PCDHGA1: variants seen among roughly 807,000 people sequenced by gnomAD.
PCDHGA1 encodes protocadherin gamma subfamily A, 1, also known as protocadherin gamma-A1.
PCDHGA1 carries 32 observed loss-of-function variants against 58.0 expected under a neutral mutation model. That is an observed-to-expected ratio of 0.55 (90% CI 0.42 to 0.74). The LOEUF is 0.74. PCDHGA1 is among the 30% of genes least tolerant of loss of function. The pLI, the probability that PCDHGA1 is intolerant of heterozygous loss-of-function variation, is 0.00. For synonymous variants in PCDHGA1, 498 were observed against 501.1 expected (o/e 0.99, Z 0.08); for missense variants, 1,205 against 1,182.3 (o/e 1.02, Z -0.28).
At chr5:141,409,357 T>C (rs754237134) in intron 1 of PCDHGA1, 4 of 1,613,968 alleles carry the variant, frequency 2.5e-6, no homozygotes, top group Non-Finnish European at 2.5e-6. Flanking sequence ...TCAGGTGTAA[T>C]ATAGAAACAG....
chr5:141,360,064 C>T (rs769109998), intron 1 of PCDHGA1: 18 of 1,462,328 alleles, frequency 1.2e-5, no homozygotes, highest in Non-Finnish European at 1.5e-5. Context: ...GGAAAAGTGA[C>T]CTTAGCCCGG....
chr5:141,408,801 T>C, intron 1 of PCDHGA1: 1 of 1,613,142 alleles, frequency 6.2e-7, no homozygotes, highest in Admixed American at 1.7e-5. Context: ...GAGAAACTCC[T>C]AGACCGGGAA....
intron 1 of PCDHGA1, chr5:141,415,384 A>C: frequency 1.9e-6 from 3 of 1,614,180 alleles, no homozygotes; most frequent in Non-Finnish European, 2.5e-6. Flanking sequence ...AGGCGGCTTG[A>C]CAGGTGTGTC....
intron 1 of PCDHGA1, chr5:141,419,822 T>A: frequency 6.2e-7 from 1 of 1,614,058 alleles, no homozygotes; most frequent in Non-Finnish European, 8.5e-7. Flanking sequence ...GCCACCCCTT[T>A]CAGCCACTGC....
Position 141,331,282 on chromosome 5 carries a change from T to G in PCDHGA1, c.598T>G (p.Leu200Val). The G allele has an allele frequency of 6.2e-7, 1 of 1,614,054 alleles. No individual in the cohort carries two copies. The highest frequency in any genetic ancestry group is 8.5e-7 in the Non-Finnish European group (1 of 1,180,030). Residue 200 changes from leucine to valine, a missense_variant, in exon 1 of 4, where the codon TTA becomes GTA. Leu to Val is a conservative substitution (Grantham distance 32). Coordinates refer to ENST00000517417, the MANE Select transcript of PCDHGA1 (RefSeq NM_018912.3). ...TCCAGAGATGGTGCTGCAGAGTCCC[T>G]TAGACAGAGAAGAAGAAGCTGTCCA... Reference protein sequence around the residue: ...QHPEMVLQSPLDREEEAVHHL... With the variant: ...QHPEMVLQSPVDREEEAVHHL...
chr5:141,339,468 C>T (rs1355974658), intron 1 of PCDHGA1: 1 of 1,614,212 alleles, frequency 6.2e-7, no homozygotes, highest in Admixed American at 1.7e-5. Flanking sequence ...GGTGAGAACG[C>T]CCTTCAGAAG....
Position 141,429,458 on chromosome 5 carries a change from T to C in PCDHGA1, c.2422-65349T>C, listed in dbSNP as rs561407449. 1.6e-4 allele frequency among the ~76,000 whole-genome samples: 25 copies of C among 152,210 alleles called. 1 individual carries two copies. The South Asian group carries it at 4.6e-3, about 28-fold the overall frequency. ...TCAAACTCTTGGGCTACAGTAATCC[T>C]CCCACCTCAATCTCCAGAGTAGCTG... On this transcript the variant is annotated intron_variant, in intron 1 of 3. Transcript: ENST00000517417.
chr5:141,340,880 G>T, intron 1 of PCDHGA1: 1 of 1,613,658 alleles, frequency 6.2e-7, no homozygotes, highest in African/African-American at 1.3e-5. Flanking sequence ...GGACAGAGAC[G>T]CGCTCAAGCA....
chr5:141,413,398 A>G lies in PCDHGA1; in HGVS notation c.2421+80293A>G, dbSNP rs780416951. The G allele has an allele frequency of 1.9e-5, 30 of 1,613,944 alleles. No homozygotes were observed. Among genetic ancestry groups the G allele is most frequent in the African/African-American group, 4.0e-5 (3 of 74,960 alleles). Reference sequence around the variant, plus strand: ...CGGAGTCCGCATAGTCTCCAGAGGTAGGACGCAGCTTTTCTCTCTGAACCC... The same window carrying G: ...CGGAGTCCGCATAGTCTCCAGAGGTGGGACGCAGCTTTTCTCTCTGAACCC... On this transcript the variant is annotated intron_variant, in intron 1 of 3. Transcript: ENST00000517417.
At chr5:141,346,044 A>G (rs764384802) in intron 1 of PCDHGA1, 10 of 1,613,362 alleles carry the variant, frequency 6.2e-6, no homozygotes, top group Middle Eastern at 1.7e-4. Flanking sequence ...GATCCCCGAC[A>G]TCCTGGCCGA....
In PCDHGA1 at chr5:141,331,607, A is replaced by G. The variant is rs1756368976; in HGVS notation, c.923A>G (p.Asp308Gly). ...GAAATATCAAATAAAGAACCACTAGATTTCGAAGAATACAAAATGTATTCA... is the reference window on the plus strand; with the variant it reads ...GAAATATCAAATAAAGAACCACTAGGTTTCGAAGAATACAAAATGTATTCA... Reference protein sequence around the residue: ...TGEISNKEPLDFEEYKMYSME... With the variant: ...TGEISNKEPLGFEEYKMYSME... The change falls in exon 1 of 4, where the codon GAT becomes GGT. Residue 308 changes from aspartate to glycine, a missense_variant. By Grantham distance (94) the Asp-to-Gly change is moderately conservative. Coordinates refer to ENST00000517417, the MANE Select transcript of PCDHGA1 (RefSeq NM_018912.3). 6.2e-7 allele frequency: 1 copy of G among 1,614,086 alleles called. No individual in the cohort carries two copies. Among genetic ancestry groups the G allele is most frequent in the Non-Finnish European group, 8.5e-7 (1 of 1,180,028 alleles).
chr5:141,370,618 T>G, intron 1 of PCDHGA1: 1 of 1,613,964 alleles, frequency 6.2e-7, no homozygotes, highest in Non-Finnish European at 8.5e-7. Context: ...AAGAAATTCT[T>G]TACCGTGAGC....
intron 1 of PCDHGA1, chr5:141,392,978 C>T: frequency 1.9e-6 from 3 of 1,613,808 alleles, no homozygotes; most frequent in South Asian, 1.1e-5. Context: ...TGGGGCTGGA[C>T]CCCCGGAAGC....
intron 1 of PCDHGA1, chr5:141,343,756 G>A (rs1177741741): frequency 5.6e-6 from 2 of 354,372 alleles, no homozygotes; most frequent in African/African-American, 2.1e-5. Flanking sequence ...CTGAGAGGAT[G>A]CAGTAAACGG....
intron 1 of PCDHGA1, chr5:141,350,934 T>C: frequency 3.1e-6 from 5 of 1,614,102 alleles, no homozygotes; most frequent in Admixed American, 1.7e-5. Context: ...ACCACCCATA[T>C]CTGGATCCGA....
At position 141,389,844 on chromosome 5, in the gene PCDHGA1, G is replaced by A. The variant is rs558691778; in HGVS notation, c.2421+56739G>A. 80 of 1,614,014 alleles carry A rather than the reference G, an allele frequency of 5.0e-5. No homozygotes were observed. The Admixed American group carries it at 1.3e-3, about 27-fold the overall frequency. On this transcript the variant is annotated intron_variant, in intron 1 of 3. Coordinates refer to ENST00000517417, the MANE Select transcript of PCDHGA1 (RefSeq NM_018912.3). ...TGACGGTGGACAGCCACCACTCTCGGCCACTGCCACGTTGCACCTGGTCTT... is the reference window on the plus strand; with the variant it reads ...TGACGGTGGACAGCCACCACTCTCGACCACTGCCACGTTGCACCTGGTCTT...
At chr5:141,410,849 CT>C (rs759346998) in intron 1 of PCDHGA1, 9,989 of 137,410 alleles carry the variant, frequency 0.073, 1 homozygote, top group South Asian at 0.15. Context: ...TTGTCTTTGT[CT>C]TTTTTTTTTT....
Position 141,446,243 on chromosome 5 carries a change from C to T in PCDHGA1, c.2422-48564C>T, listed in dbSNP as rs552551215. Among the ~76,000 whole-genome samples, 23 of 152,096 alleles carry T rather than the reference C, an allele frequency of 1.5e-4. 1 individual carries two copies. The South Asian group carries it at 4.6e-3, about 30-fold the overall frequency. On this transcript the variant is annotated intron_variant, in intron 1 of 3. Coordinates refer to ENST00000517417, the MANE Select transcript of PCDHGA1 (RefSeq NM_018912.3). ...TTGTGTTGCCTGGCAAGTGGTAGAT[C>T]TTCAGTGAAATATTATTAACTGAAT...
intron 1 of PCDHGA1, chr5:141,399,985 G>A (rs775731140): frequency 6.2e-7 from 1 of 1,612,396 alleles, no homozygotes; most frequent in South Asian, 1.1e-5. Flanking sequence ...GCTGCGCACA[G>A]GAGAGGTGCG....
Sources: gnomAD v4.1 joint callset for allele counts (sites outside exome capture counted in the v4.1 genomes callset) on GRCh38, gnomAD v4.1.1 for gene constraint, MANE v1.5 for transcripts, NCBI Gene and HGNC (gene_info 2026-07-23, HGNC 2026-07-21) for gene names.